VPS8: variants seen among roughly 807,000 people sequenced by gnomAD.
VPS8 encodes the protein VPS8 subunit of CORVET complex.
In VPS8, 129 loss-of-function variants were observed where a neutral mutation model predicts 216.4. That is an observed-to-expected ratio of 0.60 (90% CI 0.52 to 0.69). VPS8 has a LOEUF of 0.69. Ranked by LOEUF, VPS8 falls within the 30% of genes least tolerant of loss-of-function variation. The pLI, the probability that VPS8 is intolerant of heterozygous loss-of-function variation, is 0.00. For synonymous variants in VPS8, 571 were observed against 565.4 expected (o/e 1.01, Z -0.14); for missense variants, 1,531 against 1,683.5 (o/e 0.91, Z 1.59).
chr3:184,861,065 G>A (rs1179987526), intron 15 of VPS8, among the ~76,000 whole-genome samples: 3 of 151,942 alleles, frequency 2.0e-5, no homozygotes, highest in Non-Finnish European at 4.4e-5. Flanking sequence ...CTCGTGATCT[G>A]CCCGCCTCAG....
At chr3:184,858,622 G>A (rs1349378983) in intron 14 of VPS8, among the ~76,000 whole-genome samples, 3 of 152,220 alleles carry the variant, frequency 2.0e-5, no homozygotes, top group Non-Finnish European at 4.4e-5. Flanking sequence ...CAATGAGCAG[G>A]AACATGGTTG....
At chr3:184,961,475 C>T (rs777891160) in intron 37 of VPS8, among the ~76,000 whole-genome samples, 20 of 152,000 alleles carry the variant, frequency 1.3e-4, no homozygotes, top group Non-Finnish European at 2.4e-4. Flanking sequence ...AACATTTTGC[C>T]GTACTGGCCT....
chr3:184,999,553 C>A, intron 44 of VPS8, 143 bp from the exon 45 acceptor site: 2 of 962,724 alleles, frequency 2.1e-6, no homozygotes, highest in Non-Finnish European at 3.0e-6. Flanking sequence ...CAAGTACATT[C>A]CCTTTCTTGT....
At chr3:184,877,866 G>A (rs968141345) in intron 21 of VPS8, among the ~76,000 whole-genome samples, 7 of 152,156 alleles carry the variant, frequency 4.6e-5, no homozygotes, top group Non-Finnish European at 1.0e-4. Context: ...ATGAATTTTA[G>A]CATAACCATG....
intron 34 of VPS8, 80 bp from the exon 35 acceptor site, chr3:184,936,166 A>T (rs1326051610): frequency 7.6e-6 from 9 of 1,181,324 alleles, no homozygotes; most frequent in Non-Finnish European, 9.8e-6. Flanking sequence ...GTATTGAGGT[A>T]GGTAATCGTG....
At chr3:184,989,889 G>A (rs1490412063) in intron 42 of VPS8, among the ~76,000 whole-genome samples, 4 of 151,824 alleles carry the variant, frequency 2.6e-5, no homozygotes, top group Non-Finnish European at 5.9e-5. Flanking sequence ...TGGCTAACAC[G>A]GTGAAAACCT....
intron 21 of VPS8, among the ~76,000 whole-genome samples, chr3:184,875,806 T>C (rs1729148027): frequency 1.5e-5 from 2 of 137,756 alleles, no homozygotes; most frequent in Admixed American, 7.6e-5. Context: ...GGCAACATAG[T>C]GAAACCTTGT....
chr3:185,032,354 A>G (rs1021674514), intron 46 of VPS8, among the ~76,000 whole-genome samples: 2 of 152,292 alleles, frequency 1.3e-5, no homozygotes, highest in East Asian at 3.9e-4. Context: ...GGAACGCTCC[A>G]ACCATAAGAT....
At chr3:185,022,057 G>A (rs1756738210) in intron 45 of VPS8, among the ~76,000 whole-genome samples, 1 of 152,166 alleles carries the variant, frequency 6.6e-6, no homozygotes, top group South Asian at 2.1e-4. Context: ...AAGGGACCTG[G>A]TGGGAGGTAA....
intron 45 of VPS8, among the ~76,000 whole-genome samples, chr3:185,021,921 G>C (rs929457721): frequency 3.3e-5 from 5 of 152,196 alleles, no homozygotes; most frequent in African/African-American, 1.2e-4. Context: ...ATTCTAGTCA[G>C]ATAGTATCGA....
At chr3:185,048,680 C>T (rs1415289345) in intron 47 of VPS8, 121 bp downstream of exon 47, 1 of 1,027,770 alleles carries the variant, frequency 9.7e-7, no homozygotes, top group East Asian at 2.5e-5. Context: ...CCTGGCATCC[C>T]TGTTATGGCT....
At chr3:184,891,889 A>G (rs1177860236) in intron 22 of VPS8, among the ~76,000 whole-genome samples, 2 of 152,208 alleles carry the variant, frequency 1.3e-5, no homozygotes, top group Non-Finnish European at 2.9e-5. Context: ...GTAATTTCTT[A>G]TAACCAAAGC....
At chr3:184,985,911 AAGACATAGAGACG>A (rs1273515785) in intron 42 of VPS8, among the ~76,000 whole-genome samples, 2 of 152,322 alleles carry the variant, frequency 1.3e-5, no homozygotes, top group African/African-American at 4.8e-5. Flanking sequence ...AAGAGGATTC[AAGACATAGAGACG>A]AGGAGAGGAG....
At chr3:184,937,726 A>G (rs1741890176) in intron 35 of VPS8, among the ~76,000 whole-genome samples, 1 of 152,206 alleles carries the variant, frequency 6.6e-6, no homozygotes, top group Non-Finnish European at 1.5e-5. Context: ...GGTTCTGGGT[A>G]TAAAAGCCTT....
rs1750408200 is a variant in VPS8, at chr3:184,982,652, G to C, written c.3502+5G>C. The C allele has an allele frequency of 1.2e-6, 2 of 1,606,156 alleles. No individual in the cohort carries two copies. The highest frequency in any genetic ancestry group is 1.7e-6 in the Non-Finnish European group (2 of 1,176,122). On this transcript the variant is annotated splice_donor_5th_base_variant and intron_variant, in intron 41 of 47. Coordinates refer to ENST00000625842, the MANE Select transcript of VPS8 (RefSeq NM_001009921.3). The stretch of plus-strand genomic sequence containing the variant: ...TTCCTCATCTACACTCTGAAGGTAA[G>C]TTCTTCAGAATTCAAGTGACTGAGT...
chr3:185,007,032 A>G (rs879709553), intron 45 of VPS8, among the ~76,000 whole-genome samples: 2 of 152,354 alleles, frequency 1.3e-5, no homozygotes, highest in Non-Finnish European at 2.9e-5. Context: ...ACAACCAATA[A>G]TTCAGACGTA....
intron 33 of VPS8, among the ~76,000 whole-genome samples, chr3:184,929,932 C>T (rs926504067): frequency 2.0e-5 from 3 of 152,258 alleles, no homozygotes; most frequent in African/African-American, 7.2e-5. Flanking sequence ...AACTGACTTA[C>T]ACAGAGTAGC....
chr3:184,920,187 AT>A lies in VPS8; in HGVS notation c.2447del (p.Leu816CysfsTer2). The A allele has an allele frequency of 6.6e-7, 1 of 1,521,726 alleles. No homozygotes were observed. Among genetic ancestry groups the A allele is most frequent in the Non-Finnish European group, 8.8e-7 (1 of 1,135,458 alleles). The allele number at this position is 1,521,726 out of a possible 1,614,324, so 94.3% of individuals were successfully genotyped here. A position where few individuals can be genotyped will look rare whatever the true frequency, so the allele number is the denominator to read the frequency against. ...AVEYQQRIVD[I>X]LLKVMVENSD... ...GGAATATCAACAGCGAATTGTGGAT[AT>A]TTTGTTGAAAGTAAGTATTCAAAGA... On this transcript the variant is annotated frameshift_variant, in exon 29 of 48. Coordinates refer to ENST00000625842, the MANE Select transcript of VPS8 (RefSeq NM_001009921.3). LOFTEE classifies it high-confidence loss of function.
intron 40 of VPS8, among the ~76,000 whole-genome samples, chr3:184,975,931 C>T (rs1477223640): frequency 6.6e-6 from 1 of 152,130 alleles, no homozygotes; most frequent in African/African-American, 2.4e-5. Context: ...AACCCTTGAA[C>T]AACACAAGGC....
Sources: allele counts gnomAD v4.1 joint callset (sites outside exome capture counted in the v4.1 genomes callset), GRCh38; gene constraint gnomAD v4.1.1; transcripts MANE v1.5; gene names NCBI Gene and HGNC (gene_info 2026-07-23, HGNC 2026-07-21).